Variants in XIRP2 observed in about 807,000 individuals in gnomAD.
XIRP2 encodes xin actin-binding repeat-containing protein 2.
Under a neutral mutation model 277.0 loss-of-function variants are expected in XIRP2, and 236 were observed. The ratio of observed to expected loss-of-function variants is 0.85; its 90% confidence interval spans 0.77 to 0.95. XIRP2 has a LOEUF of 0.95. Ranked by LOEUF, XIRP2 falls within the 40% of genes least tolerant of loss-of-function variation. XIRP2 has a pLI of 0.00. For synonymous variants in XIRP2, 1,490 were observed against 1,416.5 expected, an observed-to-expected ratio of 1.05 and a Z score of -1.17; for missense variants, 4,640 against 4,157.5, an observed-to-expected ratio of 1.12 and a Z score of -3.19.
intron 3 of XIRP2, among the ~76,000 whole-genome samples, chr2:167,143,865 T>C: frequency 6.6e-6 from 1 of 152,132 alleles, no homozygotes; most frequent in East Asian, 1.9e-4. Context: ...AAAAAGCCAC[T>C]ACATAAATTA....
chr2:167,087,731 T>TTTTCATATATGTGTTG (rs1226427458), intron 2 of XIRP2, among the ~76,000 whole-genome samples: 1 of 152,182 alleles, frequency 6.6e-6, no homozygotes, highest in African/African-American at 2.4e-5. Context: ...CCCCTTTCTT[T>TTTTCATATATGTGTTG]GACTCGGAAA....
intron 2 of XIRP2, among the ~76,000 whole-genome samples, chr2:167,119,406 A>G (rs2303878): frequency 0.075 from 11,431 of 152,268 alleles, 491 homozygotes; most frequent in South Asian, 0.16. Context: ...TTAATTAATG[A>G]GAGAGCAAAG....
intron 2 of XIRP2, among the ~76,000 whole-genome samples, chr2:167,081,572 A>G (rs1464910804): frequency 6.6e-6 from 1 of 152,242 alleles, no homozygotes; most frequent in Admixed American, 6.5e-5. Flanking sequence ...ATTAAAAACT[A>G]TTCTCACAAT....
At chr2:167,167,570 C>G (rs188652251) in intron 3 of XIRP2, among the ~76,000 whole-genome samples, 1 of 152,124 alleles carries the variant, frequency 6.6e-6, no homozygotes, top group Non-Finnish European at 1.5e-5. Context: ...CACTTTCTAA[C>G]AGCTCTGTAC....
chr2:166,976,604 G>A (rs904820461), intron 2 of XIRP2, among the ~76,000 whole-genome samples: 2 of 152,000 alleles, frequency 1.3e-5, no homozygotes, highest in South Asian at 2.1e-4. Flanking sequence ...CTTCACAAAC[G>A]TAAGAGCCTT....
chr2:167,007,697 T>A (rs1223053910), intron 2 of XIRP2, among the ~76,000 whole-genome samples: 1,211 of 120,862 alleles, frequency 0.01, 17 homozygotes, highest in African/African-American at 0.04. Context: ...TCTCTCTCTC[T>A]CTCTCTCACA....
chr2:166,981,539 G>A (rs747544181), intron 2 of XIRP2, among the ~76,000 whole-genome samples: 7 of 151,560 alleles, frequency 4.6e-5, no homozygotes, highest in South Asian at 2.1e-4. Flanking sequence ...CTCCTGCCTC[G>A]GCCTCCAGAG....
chr2:167,187,641 A>G (rs1370518923), intron 3 of XIRP2: 1 of 770,300 alleles, frequency 1.3e-6, no homozygotes, highest in Non-Finnish European at 1.6e-6. Context: ...ATCATTGTAA[A>G]AGAAAATATC....
intron 2 of XIRP2, among the ~76,000 whole-genome samples, chr2:167,002,579 C>T (rs1687401386): frequency 6.6e-6 from 1 of 151,894 alleles, no homozygotes; most frequent in Admixed American, 6.6e-5. Context: ...TTTTCTTCTC[C>T]ATTTCTAAAA....
At chr2:167,119,525 C>T (rs2303877) in intron 2 of XIRP2, among the ~76,000 whole-genome samples, 14,652 of 152,150 alleles carry the variant, frequency 0.096, 1,372 homozygotes, top group African/African-American at 0.24. Flanking sequence ...AACCATTGCA[C>T]TTGAACTAGC....
chr2:167,201,143 A>G (rs1272178237), intron 3 of XIRP2, among the ~76,000 whole-genome samples: 1 of 149,098 alleles, frequency 6.7e-6, no homozygotes, highest in African/African-American at 2.5e-5. Flanking sequence ...AGAGAGAGAG[A>G]GGGAGGGAGG....
intron 2 of XIRP2, among the ~76,000 whole-genome samples, chr2:166,943,061 T>G (rs1467311817): frequency 6.6e-6 from 1 of 152,144 alleles, no homozygotes; most frequent in African/African-American, 2.4e-5. Context: ...GCCTATCAGA[T>G]AGGACAATTA....
chr2:167,111,102 G>T (rs141968930), intron 2 of XIRP2, among the ~76,000 whole-genome samples: 1 of 151,968 alleles, frequency 6.6e-6, no homozygotes, highest in South Asian at 2.1e-4. Context: ...TTTACATACC[G>T]AATTACGTCA....
intron 4 of XIRP2, among the ~76,000 whole-genome samples, chr2:167,214,824 C>T (rs771135956): frequency 6.6e-6 from 1 of 152,128 alleles, no homozygotes; most frequent in Non-Finnish European, 1.5e-5. Flanking sequence ...ACCTTGACCT[C>T]CCAAAGTGCT....
At chr2:167,217,041 C>A (rs567330698) in intron 4 of XIRP2, among the ~76,000 whole-genome samples, 17 of 145,094 alleles carry the variant, frequency 1.2e-4, no homozygotes, top group Non-Finnish European at 2.1e-4. Flanking sequence ...GAAGAAAAAA[C>A]CGAACACCGC....
At chr2:167,211,806 T>A (rs1314002642) in intron 4 of XIRP2, among the ~76,000 whole-genome samples, 1 of 152,206 alleles carries the variant, frequency 6.6e-6, no homozygotes, top group Non-Finnish European at 1.5e-5. Context: ...AACTGCAGGA[T>A]TCAGTAAGAC....
At chr2:167,025,848 A>G (rs1344619213) in intron 2 of XIRP2, among the ~76,000 whole-genome samples, 1 of 151,836 alleles carries the variant, frequency 6.6e-6, no homozygotes, top group Non-Finnish European at 1.5e-5. Flanking sequence ...GTTCTTTTAC[A>G]TTTGCTGAGG....
At chr2:167,074,942 G>C (rs533852308) in intron 2 of XIRP2, among the ~76,000 whole-genome samples, 1 of 152,170 alleles carries the variant, frequency 6.6e-6, no homozygotes, top group African/African-American at 2.4e-5. Flanking sequence ...CTAGTTTCCA[G>C]TACCACATTT....
chr2:167,179,344 A>C (rs1189473076), intron 3 of XIRP2, among the ~76,000 whole-genome samples: 1 of 122,236 alleles, frequency 8.2e-6, no homozygotes, highest in Admixed American at 7.8e-5. Flanking sequence ...TTTTTGAGAC[A>C]AAGTCTCTCC....
Sources: gnomAD v4.1 joint callset for allele counts (sites outside exome capture counted in the v4.1 genomes callset) on GRCh38, gnomAD v4.1.1 for gene constraint, MANE v1.5 for transcripts, NCBI Gene and HGNC (gene_info 2026-07-23, HGNC 2026-07-21) for gene names.